GAS7: variants seen among roughly 807,000 people sequenced by gnomAD.
GAS7 encodes the protein growth arrest specific 7.
A neutral mutation model predicts 71.1 loss-of-function variants in GAS7; 28 were observed. The observed-to-expected ratio is 0.39, with a 90% CI of 0.29 to 0.54. The LOEUF is 0.54. GAS7 is among the 20% of genes least tolerant of loss of function. The pLI is 0.62. For synonymous variants in GAS7, 258 were observed against 245.8 expected (o/e 1.05, Z -0.46); for missense variants, 436 against 627.8 (o/e 0.69, Z 3.27).
rs555045567 is a variant in GAS7 at position 9,912,960 on chromosome 17, C to T, written c.*4268G>A. ...AGGGAAAGATGCCAGACTCAAAAGG[C>T]GACATCAGTGTGACTCCATTTATAT... On this transcript the variant is annotated 3_prime_UTR_variant, in exon 14 of 14. Coordinates refer to ENST00000432992, the MANE Select transcript of GAS7 (RefSeq NM_201433.2). 8 of 232,710 alleles carry T rather than the reference C, an allele frequency of 3.4e-5. No individual in the cohort carries two copies. Among genetic ancestry groups the T allele is most frequent in the East Asian group, 2.4e-4 (4 of 16,494 alleles). 14.4% of individuals were successfully genotyped at this position (232,710 alleles called of 1,614,324 possible).
chr17:10,198,339 C>T lies in GAS7; in HGVS notation c.52G>A (p.Gly18Ser). 1 of 1,599,570 alleles carries T rather than the reference C, an allele frequency of 6.3e-7. No homozygotes were observed. Among genetic ancestry groups the T allele is most frequent in the Non-Finnish European group, 8.5e-7 (1 of 1,178,846 alleles). ...TLYPFSGERH[G>S]QGLRFAAGEL... ...CCCGCGGCGAAGCGCAGCCCCTGGC[C>T]GTGCCGCTCCCCGGAGAAGGGGTAC... Residue 18 changes from glycine (G) to serine (S), a missense_variant, in exon 1 of 14, where the codon GGC becomes AGC. Physicochemically the swap from Gly to Ser is moderately conservative, Grantham distance 56. Transcript: ENST00000432992.
intron 3 of GAS7, among the ~76,000 whole-genome samples, chr17:9,971,214 T>C (rs1271845986): frequency 2.0e-5 from 3 of 151,266 alleles, no homozygotes; most frequent in African/African-American, 4.9e-5. Context: ...CTGGGCAACA[T>C]AGTGAGACCC....
At chr17:10,122,686 T>TA (rs1448874679) in intron 1 of GAS7, among the ~76,000 whole-genome samples, 1 of 152,200 alleles carries the variant, frequency 6.6e-6, no homozygotes, top group African/African-American at 2.4e-5. Flanking sequence ...CTTGGTTTTT[T>TA]ACCCATAAAC....
intron 1 of GAS7, among the ~76,000 whole-genome samples, chr17:10,160,404 T>G (rs927177875): frequency 6.6e-6 from 1 of 152,214 alleles, no homozygotes; most frequent in Non-Finnish European, 1.5e-5. Context: ...TACAGGACCA[T>G]ATAGAGCTAA....
intron 1 of GAS7, chr17:10,036,602 G>A: frequency 6.8e-7 from 1 of 1,474,800 alleles, no homozygotes; most frequent in South Asian, 1.4e-5. Context: ...CAGTGTTCTG[G>A]GCACCCCAGC....
intron 1 of GAS7, among the ~76,000 whole-genome samples, chr17:10,192,221 C>T (rs142174296): frequency 1.3e-5 from 2 of 152,292 alleles, no homozygotes; most frequent in African/African-American, 4.8e-5. Flanking sequence ...GCATAAATAC[C>T]ACCCCAGAAG....
chr17:9,961,494 C>G (rs962919765), intron 4 of GAS7, among the ~76,000 whole-genome samples: 4 of 152,208 alleles, frequency 2.6e-5, no homozygotes, highest in African/African-American at 9.6e-5. Context: ...CACATTACCA[C>G]CATCACCACC....
At chr17:10,189,866 G>A (rs558270945) in intron 1 of GAS7, among the ~76,000 whole-genome samples, 33 of 150,300 alleles carry the variant, frequency 2.2e-4, no homozygotes, top group Non-Finnish European at 3.9e-4. Flanking sequence ...TTGAACCCAG[G>A]AGGTAGAGGC....
intron 1 of GAS7, among the ~76,000 whole-genome samples, chr17:10,156,353 A>C (rs2904904): frequency 0.77 from 116,562 of 152,130 alleles, 45,644 homozygotes; most frequent in African/African-American, 0.94. Flanking sequence ...ATCTTTATGA[A>C]CAAGATCCCC....
At chr17:10,093,308 T>C (rs1463623374) in intron 1 of GAS7, among the ~76,000 whole-genome samples, 1 of 152,202 alleles carries the variant, frequency 6.6e-6, no homozygotes, top group Non-Finnish European at 1.5e-5. Flanking sequence ...CTGGGCATGG[T>C]GGCTCACGCC....
intron 2 of GAS7, among the ~76,000 whole-genome samples, chr17:10,017,088 G>T (rs2072057418): frequency 6.6e-6 from 1 of 151,084 alleles, no homozygotes; most frequent in African/African-American, 2.4e-5. Flanking sequence ...CCATGATTGT[G>T]CCACTGTACT....
chr17:10,156,553 TCTC>T (rs1369233585), intron 1 of GAS7, among the ~76,000 whole-genome samples: 3 of 152,186 alleles, frequency 2.0e-5, no homozygotes, highest in Non-Finnish European at 4.4e-5. Flanking sequence ...CTTTGGCCCT[TCTC>T]CTGCAGCTCC....
At chr17:9,943,995 G>A (rs1202278476) in intron 6 of GAS7, among the ~76,000 whole-genome samples, 1 of 152,202 alleles carries the variant, frequency 6.6e-6, no homozygotes, top group Admixed American at 6.5e-5. Flanking sequence ...TCTGTTATTA[G>A]TTACTTTTAA....
At chr17:10,113,062 G>T (rs980151605) in intron 1 of GAS7, among the ~76,000 whole-genome samples, 1 of 152,096 alleles carries the variant, frequency 6.6e-6, no homozygotes, top group Non-Finnish European at 1.5e-5. Context: ...AGCAGAGAGG[G>T]ACCCCATCCA....
chr17:10,074,398 C>T (rs998636949), intron 1 of GAS7, among the ~76,000 whole-genome samples: 1 of 152,164 alleles, frequency 6.6e-6, no homozygotes, highest in Non-Finnish European at 1.5e-5. Context: ...TAATCAATAG[C>T]TCTTTTCTCC....
intron 1 of GAS7, among the ~76,000 whole-genome samples, chr17:10,153,511 T>C (rs1441295413): frequency 8.3e-6 from 1 of 120,014 alleles, no homozygotes; most frequent in Non-Finnish European, 1.7e-5. Context: ...GTGAGACTCT[T>C]TGACTCACAA....
chr17:10,153,213 A>AAAAAAACAAAGCAAAACCAT, intron 1 of GAS7, among the ~76,000 whole-genome samples: 1 of 151,186 alleles, frequency 6.6e-6, no homozygotes. Context: ...CCGTCTCAAA[A>AAAAAAACAAAGCAAAACCAT]AAAAAACACT....
rs1029779553 is a variant in GAS7 at position 10,026,032 on chromosome 17, T to C, written c.184-6135A>G. 1.9e-5 allele frequency: 5 copies of C among 262,652 alleles called. No homozygotes were observed. The highest frequency in any genetic ancestry group is 1.3e-4 in the Admixed American group (2 of 14,976). 16.3% of individuals were successfully genotyped at this position (262,652 alleles called of 1,614,324 possible). On this transcript the variant is annotated intron_variant, in intron 1 of 13. Transcript: ENST00000432992. The surrounding 1 kb of genome is among the most constrained non-coding windows in gnomAD (Gnocchi z 4.5). ...TGCAGCCTCCAGGCAGTACAGACCC[T>C]GCTACTCCGCTCCCTACCGCTCCCA...
chr17:10,139,604 C>CCTA lies in GAS7; in HGVS notation c.183+58601_183+58603dup, dbSNP rs555081507. 2.1e-3 allele frequency among the ~76,000 whole-genome samples: 322 copies of CCTA among 152,316 alleles called. 1 individual carries two copies. Among genetic ancestry groups the CCTA allele is most frequent in the Non-Finnish European group, 3.6e-3 (247 of 68,028 alleles). On this transcript the variant is annotated intron_variant, in intron 1 of 13. Coordinates refer to ENST00000432992, the MANE Select transcript of GAS7 (RefSeq NM_201433.2). Reference sequence around the variant, plus strand: ...AATTTAAATAGTTCTGACTCCCAAGCCTACTGTCTTCCTACCAGCTCACTC... The same window carrying CCTA: ...AATTTAAATAGTTCTGACTCCCAAGCCTACTACTGTCTTCCTACCAGCTCACTC...
Sources: gnomAD v4.1 joint callset for allele counts (sites outside exome capture counted in the v4.1 genomes callset) on GRCh38, gnomAD v4.1.1 for gene constraint, Gnocchi (gnomAD v3.1) non-coding constraint, MANE v1.5 for transcripts, NCBI Gene and HGNC (gene_info 2026-07-23, HGNC 2026-07-21) for gene names.